Variants in IGSF10 observed in about 807,000 individuals in gnomAD.
The protein encoded by IGSF10 is calvaria mechanical force protein 608.
A neutral mutation model predicts 128.2 loss-of-function variants in IGSF10; 126 were observed. The ratio of observed to expected loss-of-function variants is 0.98; its 90% CI spans 0.85 to 1.14. IGSF10 has a LOEUF of 1.14. Among genes scored for constraint, IGSF10 ranks in the 50% most tolerant of loss-of-function variants. The pLI, the probability that IGSF10 is intolerant of heterozygous loss-of-function variation, is 0.00. For synonymous variants in IGSF10, 1,185 were observed against 1,146.2 expected (o/e 1.03, Z -0.68); for missense variants, 3,295 against 3,149.8 (o/e 1.05, Z -1.10).
intron 6 of IGSF10, 119 bp from the exon 7 acceptor site, chr3:151,444,003 A>G (rs1721032507): frequency 1.3e-6 from 1 of 774,856 alleles, no homozygotes; most frequent in Non-Finnish European, 2.0e-6. Flanking sequence ...GCCCAGCCCT[A>G]TGGCTCACTT....
chr3:151,478,533 A>C, the IGSF10 span, among the ~76,000 whole-genome samples: 130,924 of 152,212 alleles, frequency 0.86, 56,570 homozygotes, highest in Middle Eastern at 0.95. Flanking sequence ...GTAACATATT[A>C]CAGCATTGAC....
the IGSF10 span, among the ~76,000 whole-genome samples, chr3:151,469,871 G>A: frequency 3.8e-4 from 58 of 152,268 alleles, 1 homozygote; most frequent in African/African-American, 1.2e-3. Flanking sequence ...TTGAAGATTT[G>A]TTCAAGATTT....
chr3:151,521,569 C>T, the IGSF10 span, among the ~76,000 whole-genome samples: 9 of 151,888 alleles, frequency 5.9e-5, no homozygotes, highest in Admixed American at 1.3e-4. Flanking sequence ...CTCAAAACCA[C>T]GCAATTACAT....
At chr3:151,452,820 G>A (rs1056855684) in intron 5 of IGSF10, among the ~76,000 whole-genome samples, 2 of 152,030 alleles carry the variant, frequency 1.3e-5, no homozygotes, top group Non-Finnish European at 1.5e-5. Context: ...TGATGGAGAT[G>A]GGGTGGGTGG....
chr3:151,616,564 T>C, the IGSF10 span, among the ~76,000 whole-genome samples: 3 of 152,266 alleles, frequency 2.0e-5, no homozygotes, highest in Middle Eastern at 3.4e-3. Flanking sequence ...ATTTTAAACA[T>C]AGAAAAGGCA....
chr3:151,445,198 A>G lies in IGSF10; in HGVS notation c.4783T>C (p.Leu1595=), dbSNP rs767187536. The part of the protein sequence containing the change: ...EKGKKPEVSM[L]ATTGLSEATT... ...GCCTCGGACAGGCCTGTAGTAGCCA[A>G]CATGCTTACTTCTGGCTTTTTGCCT... Residue 1595 remains leucine (L), a synonymous_variant, in exon 6 of 8, where the codon TTG becomes CTG. Transcript: ENST00000282466. 1 of 1,614,276 alleles carries G rather than the reference A, an allele frequency of 6.2e-7. No homozygotes were observed. The highest frequency in any genetic ancestry group is 8.5e-7 in the Non-Finnish European group (1 of 1,180,054).
upstream of IGSF10, among the ~76,000 whole-genome samples, chr3:151,462,143 T>C (rs2108585443): frequency 6.6e-6 from 1 of 152,250 alleles, no homozygotes; most frequent in East Asian, 1.9e-4. Flanking sequence ...CTCCCAATAC[T>C]CATAAACACT....
At chr3:151,435,435 T>C (rs1471124397), downstream of IGSF10, 5 of 152,166 alleles carry the variant, frequency 3.3e-5, no homozygotes, top group African/African-American at 1.2e-4. Flanking sequence ...CAGACATAAG[T>C]TGCAACCAGG....
rs1256040791 is a variant in IGSF10, at chr3:151,436,656, C to G, written c.*33G>C. On this transcript the variant is annotated 3_prime_UTR_variant, in exon 8 of 8. Transcript: ENST00000282466. ...TTAAACTTCTTCCAAAAAATAAATT[C>G]TGCCCAGATGTTGTTGACTTTATTA... The G allele has an allele frequency of 6.9e-7, 1 of 1,454,678 alleles. No individual in the cohort carries two copies. The highest frequency in any genetic ancestry group is 2.3e-5 in the East Asian group (1 of 43,884). The allele number at this position is 1,454,678 out of a possible 1,614,324, so 90.1% of individuals were successfully genotyped here.
chr3:151,502,663 T>C, the IGSF10 span, among the ~76,000 whole-genome samples: 34 of 152,094 alleles, frequency 2.2e-4, no homozygotes, highest in East Asian at 6.6e-3. Context: ...TTCTATTACT[T>C]TAAAATATTT....
In IGSF10 at chr3:151,436,729, A is replaced by G. The variant is rs1338373675; in HGVS notation, c.7832T>C (p.Leu2611Pro). ...GIYKCTAKNP[L>P]GSDYAATYIQ... ...ATACGTTGCTGCATAATCACTACCA[A>G]GTGGGTTCTTTGCTGTGCATTTGTA... is the stretch of plus-strand genomic sequence containing the variant. Residue 2611 changes from leucine to proline, a missense_variant, in exon 8 of 8, where the codon CTT becomes CCT. Coordinates refer to ENST00000282466, the MANE Select transcript of IGSF10 (RefSeq NM_178822.5). The G allele has an allele frequency of 6.2e-7, 1 of 1,613,760 alleles. No homozygotes were observed. Among genetic ancestry groups the G allele is most frequent in the Non-Finnish European group, 8.5e-7 (1 of 1,179,898 alleles).
chr3:151,463,523 G>A (rs1439131549), upstream of IGSF10, among the ~76,000 whole-genome samples: 29 of 31,270 alleles, frequency 9.3e-4, no homozygotes, highest in African/African-American at 3.3e-3. Flanking sequence ...ACATTTTCTG[G>A]TTTTTTTTTT....
In IGSF10 at chr3:151,446,241, A is replaced by T; in HGVS notation, c.3740T>A (p.Val1247Asp). The T allele has an allele frequency of 1.2e-6, 2 of 1,613,476 alleles. No homozygotes were observed. Among genetic ancestry groups the T allele is most frequent in the Non-Finnish European group, 1.7e-6 (2 of 1,179,610 alleles). ...AAGTGTGGTGAAATGGAAAGGGGAG[A>T]CTTTGTCTCTGGGTAAAGCAGGAGA... is the stretch of plus-strand genomic sequence containing the variant. ...KTSPALPRDK[V>D]SPFHFTTLST... Residue 1247 changes from valine (V) to aspartate (D), a missense_variant, in exon 6 of 8, where the codon GTC (valine) becomes GAC (aspartate). Transcript: ENST00000282466.
At chr3:151,559,839 A>T in the IGSF10 span, among the ~76,000 whole-genome samples, 3 of 152,138 alleles carry the variant, frequency 2.0e-5, no homozygotes, top group Non-Finnish European at 4.4e-5. Context: ...AAAAGACTTT[A>T]CATGGGTTCT....
At chr3:151,598,481 A>T in the IGSF10 span, among the ~76,000 whole-genome samples, 1 of 152,214 alleles carries the variant, frequency 6.6e-6, no homozygotes, top group Admixed American at 6.5e-5. Context: ...GATTGGTTCC[A>T]GAACCCTCTG....
At chr3:151,517,354 A>G in the IGSF10 span, among the ~76,000 whole-genome samples, 1 of 151,948 alleles carries the variant, frequency 6.6e-6, no homozygotes, top group Non-Finnish European at 1.5e-5. Flanking sequence ...TCTTTGATCT[A>G]TTTGATTTTA....
chr3:151,484,522 GGGCCAAC>G, the IGSF10 span, among the ~76,000 whole-genome samples: 1 of 152,122 alleles, frequency 6.6e-6, no homozygotes, highest in Non-Finnish European at 1.5e-5. Flanking sequence ...CTCCCAGTAG[GGGCCAAC>G]AGACACCTCA....
chr3:151,533,623 C>A, the IGSF10 span, among the ~76,000 whole-genome samples: 1 of 152,084 alleles, frequency 6.6e-6, no homozygotes, highest in South Asian at 2.1e-4. Context: ...GAAACTGGAC[C>A]CCTTCCTTAC....
downstream of IGSF10, chr3:151,435,548 GTA>G (rs1560164783): frequency 1.3e-5 from 2 of 152,080 alleles, no homozygotes; most frequent in African/African-American, 4.8e-5. Flanking sequence ...TAACTTATTA[GTA>G]ATTCTCGGTT....
Sources: gnomAD v4.1 joint callset for allele counts (sites outside exome capture counted in the v4.1 genomes callset) on GRCh38, gnomAD v4.1.1 for gene constraint, MANE v1.5 for transcripts, NCBI Gene and HGNC (gene_info 2026-07-23, HGNC 2026-07-21) for gene names.